Variants in PABPC1L observed in about 807,000 individuals in gnomAD.
The protein encoded by PABPC1L is poly(A) binding protein cytoplasmic 1 like.
PABPC1L carries 31 observed loss-of-function variants against 66.6 expected under a neutral mutation model. That is an observed-to-expected ratio of 0.47 (90% CI 0.35 to 0.63). The LOEUF is 0.63. Among genes scored for constraint, PABPC1L ranks in the 20% least tolerant of loss-of-function variants. PABPC1L has a pLI of 0.00. For synonymous variants in PABPC1L, 348 were observed against 335.1 expected (o/e 1.04, Z -0.42); for missense variants, 722 against 848.8 (o/e 0.85, Z 1.86).
Position 44,921,586 on chromosome 20 carries a change from T to C in PABPC1L, c.739-8T>C. The C allele has an allele frequency of 1.9e-6, 3 of 1,613,762 alleles. No individual in the cohort carries two copies. Among genetic ancestry groups the C allele is most frequent in the Non-Finnish European group, 2.5e-6 (3 of 1,179,848 alleles). On this transcript the variant is annotated splice_region_variant and splice_polypyrimidine_tract_variant and intron_variant, in intron 5 of 14. Transcript: ENST00000217073. ...GTTACCAAGCATGTTCCCTCCTCCT[T>C]TCCCCAGGCCGTGGTCCATATGAAC...
intron 1 of PABPC1L, 53 bp from the exon 2 acceptor site, chr20:44,912,607 A>T: frequency 6.7e-7 from 1 of 1,494,930 alleles, no homozygotes; most frequent in South Asian, 1.2e-5. Flanking sequence ...TGGGTGATCA[A>T]GGTAAGAAAA....
At chr20:44,937,967 C>A in intron 12 of PABPC1L, 94 bp from the exon 13 acceptor site, 4 of 1,556,696 alleles carry the variant, frequency 2.6e-6, no homozygotes, top group Non-Finnish European at 3.5e-6. Flanking sequence ...GGGAGAAGAA[C>A]CCAGATGTCC....
intron 7 of PABPC1L, among the ~76,000 whole-genome samples, chr20:44,925,534 G>A (rs1340282688): frequency 6.6e-6 from 1 of 152,160 alleles, no homozygotes; most frequent in Non-Finnish European, 1.5e-5. Flanking sequence ...GAGTGGGAAT[G>A]AGGAATTTTC....
intron 9 of PABPC1L, chr20:44,932,792 T>G: frequency 1.9e-6 from 1 of 515,854 alleles, no homozygotes; most frequent in Non-Finnish European, 3.5e-6. Context: ...GAAACTATCT[T>G]GAGGGACTAA....
intron 12 of PABPC1L, 98 bp from the exon 13 acceptor site, chr20:44,937,963 A>G (rs1022504354): frequency 6.6e-7 from 1 of 1,526,130 alleles, no homozygotes; most frequent in African/African-American, 1.4e-5. Flanking sequence ...TTCTGGGAGA[A>G]GAACCCAGAT....
chr20:44,937,615 A>G (rs2066911199), intron 12 of PABPC1L, among the ~76,000 whole-genome samples: 1 of 152,142 alleles, frequency 6.6e-6, no homozygotes, highest in Admixed American at 6.5e-5. Flanking sequence ...GGGTTTCACC[A>G]TGTTGGCCAG....
intron 2 of PABPC1L, among the ~76,000 whole-genome samples, chr20:44,915,097 G>A (rs565166399): frequency 6.6e-6 from 1 of 152,238 alleles, no homozygotes; most frequent in South Asian, 2.1e-4. Flanking sequence ...AGAGGTGGAG[G>A]GGTATGTGCA....
At chr20:44,934,981 T>C (rs1270086967) in intron 10 of PABPC1L, among the ~76,000 whole-genome samples, 4 of 151,844 alleles carry the variant, frequency 2.6e-5, no homozygotes, top group Admixed American at 1.3e-4. Flanking sequence ...GACAAGAGAA[T>C]TGATTGAACC....
intron 13 of PABPC1L, 50 bp from the exon 14 acceptor site, chr20:44,938,624 G>A: frequency 6.4e-7 from 1 of 1,559,918 alleles, no homozygotes; most frequent in Middle Eastern, 1.7e-4. Flanking sequence ...GCTCTTCTGT[G>A]ACCTGCTAAG....
At chr20:44,923,401 T>A (rs1197783560) in intron 6 of PABPC1L, among the ~76,000 whole-genome samples, 1 of 152,080 alleles carries the variant, frequency 6.6e-6, no homozygotes, top group East Asian at 1.9e-4. Flanking sequence ...GGTGGGCAGA[T>A]CACCTGAGGT....
Position 44,916,751 on chromosome 20 carries a change from C to T in PABPC1L, c.388-5C>T. The stretch of plus-strand genomic sequence containing the variant: ...CTCTTCCTGTCCTTCCTCCCTGTGG[C>T]CCAGGTGGCGTGTGACGAGCATGGC... On this transcript the variant is annotated splice_region_variant and splice_polypyrimidine_tract_variant and intron_variant, in intron 2 of 14. Coordinates refer to ENST00000217073, the MANE Select transcript of PABPC1L (RefSeq NM_001372179.1). The T allele has an allele frequency of 6.2e-7, 1 of 1,614,058 alleles. No homozygotes were observed. The highest frequency in any genetic ancestry group is 8.5e-7 in the Non-Finnish European group (1 of 1,179,886).
chr20:44,926,491 C>T (rs2066810476), intron 7 of PABPC1L, among the ~76,000 whole-genome samples: 1 of 151,894 alleles, frequency 6.6e-6, no homozygotes, highest in South Asian at 2.1e-4. Context: ...TCCCAAAGTG[C>T]TGCAATTACA....
chr20:44,920,896 T>G (rs954470949), intron 5 of PABPC1L, among the ~76,000 whole-genome samples: 3 of 152,006 alleles, frequency 2.0e-5, no homozygotes, highest in African/African-American at 7.3e-5. Context: ...CACTGCAACC[T>G]CCACCTCCCA....
chr20:44,917,361 AT>A lies in PABPC1L; in HGVS notation c.503+507del, dbSNP rs11483820. ...GCCACCATACCTGGCTAATTTTTTG[AT>A]TTTTTTTTTTTTTTTTGTAGAGATG... On this transcript the variant is annotated intron_variant, in intron 3 of 14. Coordinates refer to ENST00000217073, the MANE Select transcript of PABPC1L (RefSeq NM_001372179.1). Among the ~76,000 whole-genome samples, 330 of 130,572 alleles carry A rather than the reference AT, an allele frequency of 2.5e-3. 2 individuals carry two copies. The highest frequency in any genetic ancestry group is 0.011 in the East Asian group (49 of 4,470). 85.7% of individuals were successfully genotyped at this position (130,572 alleles called of 152,430 possible).
chr20:44,938,405 G>A (rs1194401909), intron 13 of PABPC1L, among the ~76,000 whole-genome samples: 1 of 152,184 alleles, frequency 6.6e-6, no homozygotes, highest in Non-Finnish European at 1.5e-5. Flanking sequence ...GTGTTGTTCT[G>A]TAGGTAGGTC....
intron 10 of PABPC1L, 38 bp downstream of exon 10, chr20:44,933,223 C>T: frequency 1.3e-6 from 2 of 1,533,918 alleles, no homozygotes; most frequent in Non-Finnish European, 1.8e-6. Context: ...GGGGGTGGGG[C>T]AAAGTTGGCA....
At chr20:44,931,077 C>T (rs1439075472) in intron 8 of PABPC1L, among the ~76,000 whole-genome samples, 1 of 84,756 alleles carries the variant, frequency 1.2e-5, no homozygotes, top group Admixed American at 1.3e-4. Flanking sequence ...CCCTCCCTCC[C>T]TCCCTCCCTC....
chr20:44,937,812 C>T (rs935467222), intron 12 of PABPC1L: 20 of 482,080 alleles, frequency 4.1e-5, no homozygotes, highest in Middle Eastern at 5.4e-4. Flanking sequence ...CGATCCTTTC[C>T]GCCCCCACTT....
chr20:44,915,432 T>G (rs1441448743), intron 2 of PABPC1L, among the ~76,000 whole-genome samples: 1 of 152,148 alleles, frequency 6.6e-6, no homozygotes, highest in African/African-American at 2.4e-5. Flanking sequence ...AGGTCTTTCC[T>G]TGTTCTCAAG....
Sources: allele counts gnomAD v4.1 joint callset (sites outside exome capture counted in the v4.1 genomes callset), GRCh38; gene constraint gnomAD v4.1.1; transcripts MANE v1.5; gene names NCBI Gene and HGNC (gene_info 2026-07-23, HGNC 2026-07-21).